ARB2A: variants seen among roughly 807,000 people sequenced by gnomAD.
ARB2A encodes the protein cotranscriptional regulator ARB2A.
chr5:94,066,193 G>A, the ARB2A span, among the ~76,000 whole-genome samples: 3 of 151,756 alleles, frequency 2.0e-5, no homozygotes, highest in South Asian at 2.1e-4. Flanking sequence ...AACAGAAAAC[G>A]CAAGGGTAAA....
the ARB2A span, among the ~76,000 whole-genome samples, chr5:93,833,251 T>C: frequency 6.6e-6 from 1 of 152,008 alleles, no homozygotes. Flanking sequence ...TAATTAACAA[T>C]GCTAGTGTTA....
At chr5:93,863,783 C>T in the ARB2A span, 1 of 152,106 alleles carries the variant, frequency 6.6e-6, no homozygotes, top group African/African-American at 2.4e-5. Flanking sequence ...AATTTAATAT[C>T]ACTTAAAATT....
chr5:93,733,725 C>G, the ARB2A span: 2 of 152,114 alleles, frequency 1.3e-5, no homozygotes, highest in African/African-American at 4.8e-5. Flanking sequence ...TCGAAATTTC[C>G]TTAACTATCT....
chr5:93,683,525 A>T, the ARB2A span: 1 of 1,535,722 alleles, frequency 6.5e-7, no homozygotes, highest in African/African-American at 1.4e-5. Context: ...TTCGTAATTC[A>T]TGGCCTCTGC....
chr5:94,107,108 C>T, the ARB2A span, among the ~76,000 whole-genome samples: 7 of 152,180 alleles, frequency 4.6e-5, no homozygotes, highest in East Asian at 1.3e-3. Context: ...AAAACTACTC[C>T]TTTAGCAATT....
At chr5:94,056,063 T>C in the ARB2A span, 1 of 335,054 alleles carries the variant, frequency 3.0e-6, no homozygotes, top group South Asian at 1.2e-4. Context: ...AAATGGCTTG[T>C]CCAAAATCAC....
the ARB2A span, among the ~76,000 whole-genome samples, chr5:94,102,531 G>C: frequency 6.6e-6 from 1 of 152,064 alleles, no homozygotes; most frequent in Non-Finnish European, 1.5e-5. Flanking sequence ...TATGTAAACA[G>C]ACCAAACATA....
chr5:94,054,620 T>C, the ARB2A span, among the ~76,000 whole-genome samples: 1 of 152,132 alleles, frequency 6.6e-6, no homozygotes, highest in Non-Finnish European at 1.5e-5. Context: ...CACTATAACG[T>C]TACTGTTTTT....
At chr5:93,900,872 T>A in the ARB2A span, among the ~76,000 whole-genome samples, 1 of 152,182 alleles carries the variant, frequency 6.6e-6, no homozygotes, top group African/African-American at 2.4e-5. Context: ...CTAGGATTAG[T>A]TGCCTTACTT....
chr5:93,861,558 A>T, the ARB2A span: 5 of 152,152 alleles, frequency 3.3e-5, no homozygotes, highest in African/African-American at 1.2e-4. Context: ...GTGCTGTTCA[A>T]TAACTATTTG....
the ARB2A span, among the ~76,000 whole-genome samples, chr5:93,822,106 C>T: frequency 2.4e-4 from 37 of 152,150 alleles, no homozygotes; most frequent in African/African-American, 8.2e-4. Context: ...CTTACTGAGA[C>T]CATCTTGTCT....
the ARB2A span, among the ~76,000 whole-genome samples, chr5:94,015,520 T>C: frequency 6.6e-6 from 1 of 152,106 alleles, no homozygotes; most frequent in South Asian, 2.1e-4. Context: ...AATACAGTAA[T>C]TGTGGTGTAC....
the ARB2A span, among the ~76,000 whole-genome samples, chr5:94,061,903 C>T: frequency 2.6e-5 from 4 of 152,070 alleles, no homozygotes; most frequent in Non-Finnish European, 5.9e-5. Flanking sequence ...ATCAAAATTG[C>T]AGTAAAGTTT....
chr5:93,769,055 T>C, the ARB2A span, among the ~76,000 whole-genome samples: 1 of 152,186 alleles, frequency 6.6e-6, no homozygotes, highest in African/African-American at 2.4e-5. Context: ...TTTTAAATTA[T>C]ATATAAACGG....
the ARB2A span, among the ~76,000 whole-genome samples, chr5:94,050,214 A>G: frequency 6.7e-6 from 1 of 149,352 alleles, no homozygotes; most frequent in African/African-American, 2.5e-5. Context: ...TGTTGGGATT[A>G]TAGGTGTGAG....
the ARB2A span, among the ~76,000 whole-genome samples, chr5:93,732,911 C>A: frequency 6.6e-6 from 1 of 151,604 alleles, no homozygotes; most frequent in Non-Finnish European, 1.5e-5. Context: ...AATTCCAATA[C>A]CTGTACATAC....
At chr5:93,974,072 T>C in the ARB2A span, among the ~76,000 whole-genome samples, 10 of 152,088 alleles carry the variant, frequency 6.6e-5, no homozygotes, top group Non-Finnish European at 1.0e-4. Flanking sequence ...ATGCAAACAA[T>C]GTATACACTC....
At chr5:93,686,714 C>T in the ARB2A span, among the ~76,000 whole-genome samples, 1 of 152,196 alleles carries the variant, frequency 6.6e-6, no homozygotes, top group Non-Finnish European at 1.5e-5. Context: ...ATAAACCCAG[C>T]TGACTGGCTT....
At chr5:93,684,417 T>C in the ARB2A span, among the ~76,000 whole-genome samples, 1 of 152,232 alleles carries the variant, frequency 6.6e-6, no homozygotes, top group African/African-American at 2.4e-5. Context: ...AGGCTAGCTG[T>C]TATTATCATT....
Sources: allele counts gnomAD v4.1 joint callset (sites outside exome capture counted in the v4.1 genomes callset), GRCh38; gene constraint gnomAD v4.1.1; transcripts MANE v1.5; gene names NCBI Gene and HGNC (gene_info 2026-07-23, HGNC 2026-07-21).